Variants in SASH3 observed in about 807,000 individuals in gnomAD.
The protein encoded by SASH3 is SAM and SH3 domain containing 3.
Under a neutral mutation model 26.1 loss-of-function variants are expected in SASH3, and 7 were observed. The ratio of observed to expected loss-of-function variants is 0.27; its 90% confidence interval spans 0.15 to 0.50. SASH3 has a LOEUF of 0.50. Ranked by LOEUF, SASH3 falls within the 20% of genes least tolerant of loss-of-function variation. SASH3 has a pLI of 0.98. For missense variants in SASH3, 231 were observed against 318.3 expected (o/e 0.73, Z 2.09); for synonymous variants, 138 against 136.8 (o/e 1.01, Z -0.06).
chrX:129,787,393 T>C (rs1927128513), intron 1 of SASH3, among the ~76,000 whole-genome samples: 1 of 112,055 alleles, frequency 8.9e-6, no homozygotes, highest in Non-Finnish European at 1.9e-5. Context: ...AAGCCTCTAC[T>C]GTGCTTTTCC....
At chrX:129,788,124 T>TGGG in intron 2 of SASH3, 54 bp downstream of exon 2, 1 of 146,467 alleles carries the variant, frequency 6.8e-6, no homozygotes. Context: ...GGCAGGGGGG[T>TGGG]GGGGGTGGGA....
At chrX:129,781,468 A>G (rs1927016458) in intron 1 of SASH3, among the ~76,000 whole-genome samples, 1 of 111,628 alleles carries the variant, frequency 9.0e-6, no homozygotes, top group Admixed American at 9.4e-5. Flanking sequence ...CAGGACTGCC[A>G]TTGGCTGCCA....
chrX:129,792,842 A>G lies in SASH3; in HGVS notation c.801+6A>G, dbSNP rs1374544782. ...TGGAGCGCATCGGCCTGGAGGTTTGAGCTTGGTCCTCACTAGTATCTAGTA... is the reference window on the plus strand; with the variant it reads ...TGGAGCGCATCGGCCTGGAGGTTTGGGCTTGGTCCTCACTAGTATCTAGTA... On this transcript the variant is annotated splice_donor_region_variant and intron_variant, in intron 6 of 7. Transcript: ENST00000356892. 8.5e-7 allele frequency: 1 copy of G among 1,178,970 alleles called. No homozygotes were observed. Among genetic ancestry groups the G allele is most frequent in the Non-Finnish European group, 1.1e-6 (1 of 880,946 alleles).
Position 129,794,762 on chromosome X carries a change from T to C in SASH3, c.*930T>C, listed in dbSNP as rs1051926143. ...TTCTCACAAGGCTGATTACAGATGG[T>C]CAAACCTGGCTTCCAAGGACAGAAT... is the stretch of plus-strand genomic sequence containing the variant. On this transcript the variant is annotated 3_prime_UTR_variant, in exon 8 of 8. Transcript: ENST00000356892. The C allele has an allele frequency of 5.4e-5, 6 of 111,563 alleles. No homozygotes were observed. The highest frequency in any genetic ancestry group is 1.1e-4 in the Non-Finnish European group (6 of 53,084). The allele number at this position is 111,563 out of a possible 1,213,427, so 9.2% of individuals were successfully genotyped here.
chrX:129,788,130 T>TGGGGGGGGGGG, intron 2 of SASH3, 60 bp downstream of exon 2: 1 of 157,205 alleles, frequency 6.4e-6, no homozygotes, highest in Non-Finnish European at 1.3e-5. Flanking sequence ...GGGGTGGGGG[T>TGGGGGGGGGGG]GGGAGGGAAG....
intron 7 of SASH3, 108 bp downstream of exon 7, chrX:129,793,247 C>T: frequency 1.1e-6 from 1 of 872,603 alleles, no homozygotes; most frequent in East Asian, 3.2e-5. Flanking sequence ...CCTAGGACTG[C>T]TCTGCAGTGG....
Position 129,782,478 on chromosome X carries a change from C to T in SASH3, c.57+2324C>T, listed in dbSNP as rs186031778. Among the ~76,000 whole-genome samples, 69 of 112,281 alleles carry T rather than the reference C, an allele frequency of 6.1e-4. 1 individual carries two copies. The East Asian group carries it at 0.012, about 19-fold the overall frequency. ...CATCTCTTACCTTGTTCACTCCCCACGACAACCTGGTGAGGTAGGGGCAGA... is the reference window on the plus strand; with the variant it reads ...CATCTCTTACCTTGTTCACTCCCCATGACAACCTGGTGAGGTAGGGGCAGA... On this transcript the variant is annotated intron_variant, in intron 1 of 7. Coordinates refer to ENST00000356892, the MANE Select transcript of SASH3 (RefSeq NM_018990.4).
chrX:129,792,303 C>T lies in SASH3; in HGVS notation c.443-25C>T, dbSNP rs377449257. On this transcript the variant is annotated intron_variant, in intron 4 of 7. Coordinates refer to ENST00000356892, the MANE Select transcript of SASH3 (RefSeq NM_018990.4). ...CAGCTGTTCTAGGACAAAGGTGAGC[C>T]TCCTCCCTGCCCCATCTCCTGCAGG... The T allele has an allele frequency of 2.3e-4, 271 of 1,186,722 alleles. 1 individual carries two copies. Among genetic ancestry groups the T allele is most frequent in the Middle Eastern group, 2.1e-3 (9 of 4,190 alleles).
intron 7 of SASH3, among the ~76,000 whole-genome samples, chrX:129,793,370 G>T (rs1927267600): frequency 8.9e-6 from 1 of 112,751 alleles, no homozygotes; most frequent in South Asian, 3.6e-4. Flanking sequence ...TAAGGCCAAA[G>T]AAGGCAAAGC....
In SASH3 at chrX:129,788,621, G is replaced by C. The variant is rs1569312490; in HGVS notation, c.300+44G>C. ...GGGGATGGGGTGTCCAGGGGGCCTG[G>C]GGACCGCTCTGGCAGAATGTGAGCA... On this transcript the variant is annotated intron_variant, in intron 3 of 7. Transcript: ENST00000356892. The C allele has an allele frequency of 2.6e-6, 3 of 1,168,912 alleles. No individual in the cohort carries two copies. The Admixed American group carries it at 6.6e-5, about 26-fold the overall frequency.
intron 5 of SASH3, 34 bp from the exon 6 acceptor site, chrX:129,792,593 C>G: frequency 8.3e-7 from 1 of 1,200,230 alleles, no homozygotes; most frequent in Middle Eastern, 2.3e-4. Context: ...ATCCTCTCTC[C>G]CTTGCTCCCT....
rs1251544976 is a variant in SASH3 at position 129,792,815 on chromosome X, G to C, written c.780G>C (p.Leu260=). ...CCAAGCCTAAGACCCTGCATGAGCT[G>C]CTGGAGCGCATCGGCCTGGAGGTTT... The part of the protein sequence containing the change: ...KRPKPKTLHE[L]LERIGLEEHT... The change falls in exon 6 of 8, where the codon CTG becomes CTC. Residue 260 remains leucine, a synonymous_variant. Transcript: ENST00000356892. The C allele has an allele frequency of 8.4e-7, 1 of 1,191,153 alleles. No individual in the cohort carries two copies. The highest frequency in any genetic ancestry group is 3.0e-5 in the East Asian group (1 of 33,681).
Position 129,788,323 on chromosome X carries a change from G to A in SASH3, c.154-108G>A. On this transcript the variant is annotated intron_variant, in intron 2 of 7. Coordinates refer to ENST00000356892, the MANE Select transcript of SASH3 (RefSeq NM_018990.4). ...GAGGGGAGGGGATGGGGGCCTCTCA[G>A]TTCCACCCCCTCCAGCTTCTGCTGT... is the stretch of plus-strand genomic sequence containing the variant. 4.6e-6 allele frequency: 4 copies of A among 862,089 alleles called. No homozygotes were observed. The South Asian group carries it at 9.3e-5, about 20-fold the overall frequency. 71.0% of individuals were successfully genotyped at this position (862,089 alleles called of 1,213,427 possible). A position where few individuals can be genotyped will look rare whatever the true frequency, so the allele number is the denominator to read the frequency against.
intron 3 of SASH3, among the ~76,000 whole-genome samples, chrX:129,789,271 C>T (rs1322025100): frequency 1.9e-5 from 2 of 105,780 alleles, no homozygotes; most frequent in Non-Finnish European, 3.8e-5. Flanking sequence ...GCAATCCATC[C>T]ACCTCAAAGC....
intron 1 of SASH3, among the ~76,000 whole-genome samples, chrX:129,787,131 G>A (rs751827682): frequency 9.9e-5 from 11 of 111,315 alleles, no homozygotes; most frequent in Admixed American, 1.9e-4. Context: ...GTGAAACCCC[G>A]TCTCCACTAA....
chrX:129,792,006 C>T (rs1927239677), intron 4 of SASH3, among the ~76,000 whole-genome samples: 1 of 111,774 alleles, frequency 8.9e-6, no homozygotes, highest in South Asian at 3.7e-4. Context: ...CTCAGATTTC[C>T]GCATCTGTTC....
chrX:129,781,937 C>A (rs1202698827), intron 1 of SASH3, among the ~76,000 whole-genome samples: 1 of 112,619 alleles, frequency 8.9e-6, no homozygotes, highest in East Asian at 2.8e-4. Flanking sequence ...AGCATCTTCC[C>A]CAGGCCCAGA....
Position 129,779,992 on chromosome X carries a change from C to T in SASH3, c.-106C>T. ...CAGCAGTCAGAGTGGCAGCTGAAGGCTCGGTTCATGCCGTGCCCCCGGGCA... is the reference window on the plus strand; with the variant it reads ...CAGCAGTCAGAGTGGCAGCTGAAGGTTCGGTTCATGCCGTGCCCCCGGGCA... On this transcript the variant is annotated 5_prime_UTR_variant, in exon 1 of 8. Coordinates refer to ENST00000356892, the MANE Select transcript of SASH3 (RefSeq NM_018990.4). 2.5e-6 allele frequency: 2 copies of T among 790,128 alleles called. No individual in the cohort carries two copies. The highest frequency in any genetic ancestry group is 3.7e-6 in the Non-Finnish European group (2 of 539,157). 65.1% of individuals were successfully genotyped at this position (790,128 alleles called of 1,213,427 possible). A position where few individuals can be genotyped will look rare whatever the true frequency, so the allele number is the denominator to read the frequency against.
At chrX:129,783,332 C>T (rs1927049955) in intron 1 of SASH3, among the ~76,000 whole-genome samples, 2 of 111,908 alleles carry the variant, frequency 1.8e-5, no homozygotes, top group Admixed American at 1.9e-4. Context: ...CCCGCCAGAG[C>T]CCTTCCCCCT....
Sources: gnomAD v4.1 joint callset for allele counts (sites outside exome capture counted in the v4.1 genomes callset) on GRCh38, gnomAD v4.1.1 for gene constraint, MANE v1.5 for transcripts, NCBI Gene and HGNC (gene_info 2026-07-23, HGNC 2026-07-21) for gene names.